Variants in SHC4 observed in about 807,000 individuals in gnomAD.
SHC4 encodes SHC adaptor protein 4.
In SHC4, 41 loss-of-function variants were observed where a neutral mutation model predicts 69.4. That is an observed-to-expected ratio of 0.59 (90% CI 0.46 to 0.77). The LOEUF (loss-of-function observed/expected upper bound fraction) is 0.77, where lower values mean the gene tolerates loss of function less well. Ranked by LOEUF, SHC4 falls within the 30% of genes least tolerant of loss-of-function variation. The pLI, the probability that SHC4 is intolerant of heterozygous loss-of-function variation, is 0.00. For missense variants in SHC4, 777 were observed against 783.8 expected (o/e 0.99, Z 0.10); for synonymous variants, 318 against 299.3 (o/e 1.06, Z -0.64).
chr15:48,844,463 C>T (rs745564404), intron 9 of SHC4, among the ~76,000 whole-genome samples: 1 of 152,094 alleles, frequency 6.6e-6, no homozygotes, highest in South Asian at 2.1e-4. Flanking sequence ...GATCTCACAT[C>T]GAAAGGCTGT....
chr15:48,884,483 T>A, intron 3 of SHC4, 116 bp from the exon 4 acceptor site: 2 of 870,648 alleles, frequency 2.3e-6, no homozygotes, highest in East Asian at 6.2e-5. Flanking sequence ...CTCTCTATTT[T>A]ACTTTATGTA....
chr15:48,950,986 C>A (rs1402148555), intron 1 of SHC4, among the ~76,000 whole-genome samples: 2 of 152,032 alleles, frequency 1.3e-5, no homozygotes, highest in East Asian at 1.9e-4. Flanking sequence ...CCCTAGGTGA[C>A]CTGTCCTCTC....
chr15:48,918,169 A>C (rs935091197), intron 2 of SHC4, among the ~76,000 whole-genome samples: 1 of 152,196 alleles, frequency 6.6e-6, no homozygotes, highest in African/African-American at 2.4e-5. Flanking sequence ...GGCCCATGGA[A>C]ATTTTTTTTG....
At position 48,962,724 on chromosome 15, in the gene SHC4, G is replaced by A; in HGVS notation, c.292C>T (p.Pro98Ser). Residue 98 changes from proline to serine, a missense_variant, in exon 1 of 12, where the codon CCG becomes TCG. By Grantham distance (74) the Pro-to-Ser change is moderately conservative. Coordinates refer to ENST00000332408, the MANE Select transcript of SHC4 (RefSeq NM_203349.4). ...TTTTTCAGACTCAGCAAAGTGGCCG[G>A]GTTGGCCAGCTTCATGCTTGCCATG... is the stretch of plus-strand genomic sequence containing the variant. The part of the protein sequence containing the change: ...PRMASMKLAN[P>S]ATLLSLKNFC... 2 of 1,613,866 alleles carry A rather than the reference G, an allele frequency of 1.2e-6. No individual in the cohort carries two copies. The highest frequency in any genetic ancestry group is 1.6e-4 in the Middle Eastern group (1 of 6,062).
In SHC4 at chr15:48,824,263, A is replaced by G. The variant is rs1898647785; in HGVS notation, c.*1708T>C. The G allele has an allele frequency of 6.6e-6, 1 of 152,238 alleles. No individual in the cohort carries two copies. Among genetic ancestry groups the G allele is most frequent in the African/African-American group, 2.4e-5 (1 of 41,470 alleles). The allele number at this position is 152,238 out of a possible 1,614,324, so 9.4% of individuals were successfully genotyped here. A position where few individuals can be genotyped will look rare whatever the true frequency, so the allele number is the denominator to read the frequency against. On this transcript the variant is annotated 3_prime_UTR_variant, in exon 12 of 12. Transcript: ENST00000332408. ...AAATCATAAGCCTTTACAGTAAAAT[A>G]TTAGAGTGCAGTATGCTTGGTTTCT...
At position 48,923,450 on chromosome 15, in the gene SHC4, G is replaced by A. The variant is rs1032392240; in HGVS notation, c.656+1429C>T. Among the ~76,000 whole-genome samples the A allele has an allele frequency of 9.3e-5, 14 of 150,812 alleles. 1 individual carries two copies. The highest frequency in any genetic ancestry group is 4.6e-4 in the Admixed American group (7 of 15,134). On this transcript the variant is annotated intron_variant, in intron 2 of 11. Coordinates refer to ENST00000332408, the MANE Select transcript of SHC4 (RefSeq NM_203349.4). ...CTGTAGTCCCGGCTACTCAGGAGGC[G>A]GAGGCAGGAGAATTGCTTGAACATG...
chr15:48,842,517 G>T (rs1174694464), intron 10 of SHC4, among the ~76,000 whole-genome samples: 1 of 152,114 alleles, frequency 6.6e-6, no homozygotes, highest in Non-Finnish European at 1.5e-5. Context: ...AGCTCTAATC[G>T]ATATTAACTA....
chr15:48,832,842 T>C (rs1420273102), intron 11 of SHC4, among the ~76,000 whole-genome samples: 1 of 152,200 alleles, frequency 6.6e-6, no homozygotes. Flanking sequence ...TGAACCCCTC[T>C]AGTGATCTTT....
At chr15:48,905,624 A>G (rs1423410015) in intron 2 of SHC4, among the ~76,000 whole-genome samples, 1 of 152,254 alleles carries the variant, frequency 6.6e-6, no homozygotes, top group Non-Finnish European at 1.5e-5. Context: ...CATGATGAAG[A>G]AGGCCTGGGA....
intron 9 of SHC4, among the ~76,000 whole-genome samples, chr15:48,849,321 C>T (rs1899160686): frequency 6.6e-6 from 1 of 152,054 alleles, no homozygotes; most frequent in Admixed American, 6.6e-5. Flanking sequence ...TCCTTCAGGC[C>T]TTGGTTTGAT....
chr15:48,938,361 T>A (rs769677147), intron 1 of SHC4: 1 of 152,218 alleles, frequency 6.6e-6, no homozygotes, highest in African/African-American at 2.4e-5. Flanking sequence ...TGGAGACCTA[T>A]GGTTTAAAAA....
intron 2 of SHC4, among the ~76,000 whole-genome samples, chr15:48,899,357 T>C (rs546755893): frequency 1.6e-4 from 25 of 152,110 alleles, no homozygotes; most frequent in African/African-American, 6.0e-4. Flanking sequence ...ATCCCAGCTA[T>C]TAGGGAGGCT....
intron 1 of SHC4, among the ~76,000 whole-genome samples, chr15:48,958,098 G>A (rs566430120): frequency 1.3e-5 from 2 of 152,220 alleles, no homozygotes; most frequent in Non-Finnish European, 1.5e-5. Context: ...AGTAAGCCAC[G>A]CAGTTTGTGG....
At chr15:48,878,356 G>C (rs1463471097) in intron 4 of SHC4, 1 of 1,613,452 alleles carries the variant, frequency 6.2e-7, no homozygotes, top group Non-Finnish European at 8.5e-7. Context: ...CAATGGAGGA[G>C]GAGGAGGCCC....
At chr15:48,945,152 C>T (rs1479892587) in intron 1 of SHC4, among the ~76,000 whole-genome samples, 2 of 152,144 alleles carry the variant, frequency 1.3e-5, no homozygotes, top group South Asian at 2.1e-4. Context: ...CAGAGACAGA[C>T]TCACTCTGAA....
At chr15:48,959,684 G>A (rs1901509440) in intron 1 of SHC4, among the ~76,000 whole-genome samples, 1 of 152,146 alleles carries the variant, frequency 6.6e-6, no homozygotes, top group Non-Finnish European at 1.5e-5. Context: ...AATTTTTTAT[G>A]TGCTTTTTCC....
At chr15:48,910,006 C>G (rs1312495888) in intron 2 of SHC4, among the ~76,000 whole-genome samples, 2 of 152,006 alleles carry the variant, frequency 1.3e-5, no homozygotes, top group Admixed American at 1.3e-4. Context: ...GGATATTGGT[C>G]TGTAGTTTTC....
intron 4 of SHC4, among the ~76,000 whole-genome samples, chr15:48,874,955 G>A (rs1014310261): frequency 3.0e-4 from 46 of 152,154 alleles, no homozygotes; most frequent in African/African-American, 1.1e-3. Context: ...CTCGGTCACA[G>A]TTTTGGTAAG....
intron 2 of SHC4, among the ~76,000 whole-genome samples, chr15:48,921,559 C>A (rs1285569691): frequency 2.0e-5 from 3 of 152,078 alleles, no homozygotes; most frequent in Non-Finnish European, 2.9e-5. Context: ...GATCTCAAAT[C>A]CCTGACCTCA....
Sources: allele counts gnomAD v4.1 joint callset (sites outside exome capture counted in the v4.1 genomes callset), GRCh38; gene constraint gnomAD v4.1.1; transcripts MANE v1.5; gene names NCBI Gene and HGNC (gene_info 2026-07-23, HGNC 2026-07-21).